Variants in RYR2 observed in about 807,000 individuals in gnomAD.
The protein encoded by RYR2 is ryanodine receptor 2, also known as cardiac muscle ryanodine receptor-calcium release channel.
RYR2 carries 227 observed loss-of-function variants against 601.1 expected under a neutral mutation model. The observed-to-expected ratio is 0.38, with a 90% confidence interval of 0.34 to 0.42. The LOEUF is 0.42. Ranked by LOEUF, RYR2 falls within the 10% of genes least tolerant of loss-of-function variation. The pLI is 1.00. For synonymous variants in RYR2, 2,223 were observed against 2,175.1 expected, an observed-to-expected ratio of 1.02 and a Z score of -0.61; for missense variants, 4,646 against 6,156.5, an observed-to-expected ratio of 0.75 and a Z score of 8.21.
At chr1:237,156,995 A>G (rs1045367863) in intron 1 of RYR2, among the ~76,000 whole-genome samples, 1 of 152,142 alleles carries the variant, frequency 6.6e-6, no homozygotes, top group African/African-American at 2.4e-5. Context: ...CAAAAAACCA[A>G]AAATAGAACC....
intron 27 of RYR2, among the ~76,000 whole-genome samples, chr1:237,554,794 C>T (rs1270056984): frequency 6.6e-6 from 1 of 151,960 alleles, no homozygotes; most frequent in Non-Finnish European, 1.5e-5. Flanking sequence ...TCTTATTATT[C>T]TTTTAATGTC....
intron 1 of RYR2, among the ~76,000 whole-genome samples, chr1:237,101,907 T>C (rs773529088): frequency 2.6e-5 from 4 of 152,276 alleles, no homozygotes; most frequent in Non-Finnish European, 4.4e-5. Context: ...AGATTATTCC[T>C]ACGTTTATGA....
At chr1:237,665,397 CAAAAAAAAAA>C (rs71162408) in intron 56 of RYR2, among the ~76,000 whole-genome samples, 1 of 95,600 alleles carries the variant, frequency 1.0e-5, no homozygotes, top group African/African-American at 5.4e-5. Context: ...GACTCTGTCT[CAAAAAAAAAA>C]AAAAAAAAAA....
chr1:237,595,983 G>A (rs895049352), intron 34 of RYR2, among the ~76,000 whole-genome samples: 16 of 151,862 alleles, frequency 1.1e-4, no homozygotes, highest in Admixed American at 7.2e-4. Context: ...CTACACTACC[G>A]CATCCACCCA....
intron 22 of RYR2, among the ~76,000 whole-genome samples, chr1:237,504,012 T>G (rs115094222): frequency 0.01 from 1,528 of 152,324 alleles, 28 homozygotes; most frequent in African/African-American, 0.033. Context: ...CTGGCCTCTA[T>G]TCTATGTTTT....
rs116770263 is a variant in RYR2, at chr1:237,821,526, A to G, written c.14590+2334A>G. The stretch of plus-strand genomic sequence containing the variant: ...CAGAGACTCCATCCGAAGGTCACCA[A>G]TATCAAAGACTAAAGGTAGATAAAT... On this transcript the variant is annotated intron_variant, in intron 101 of 104. Transcript: ENST00000366574. Among the ~76,000 whole-genome samples, 904 of 152,270 alleles carry G rather than the reference A, an allele frequency of 5.9e-3. 9 individuals are homozygous for G. Among genetic ancestry groups the G allele is most frequent in the African/African-American group, 0.021 (868 of 41,566 alleles).
intron 84 of RYR2, among the ~76,000 whole-genome samples, 169 bp from the exon 85 acceptor site, chr1:237,770,638 C>T (rs1407772367): frequency 6.6e-6 from 1 of 152,164 alleles, no homozygotes; most frequent in Non-Finnish European, 1.5e-5. Context: ...CCTCTATCTG[C>T]CAAGCGCATG....
chr1:237,560,991 A>G (rs1331498669), intron 27 of RYR2, among the ~76,000 whole-genome samples: 1 of 152,182 alleles, frequency 6.6e-6, no homozygotes, highest in Non-Finnish European at 1.5e-5. Context: ...GTGAAATTGG[A>G]CAGTAATTGG....
chr1:237,664,272 A>G (rs1684080177), intron 56 of RYR2, among the ~76,000 whole-genome samples: 1 of 152,250 alleles, frequency 6.6e-6, no homozygotes, highest in Non-Finnish European at 1.5e-5. Flanking sequence ...CATTCCTTCA[A>G]CAGATACTTA....
chr1:237,534,301 A>G (rs955217245), intron 25 of RYR2, among the ~76,000 whole-genome samples: 2 of 152,084 alleles, frequency 1.3e-5, no homozygotes, highest in Non-Finnish European at 2.9e-5. Context: ...ACCAAGTAAA[A>G]CAGCTTCAAA....
At chr1:237,200,513 C>A (rs1466576666) in intron 1 of RYR2, among the ~76,000 whole-genome samples, 1 of 152,174 alleles carries the variant, frequency 6.6e-6, no homozygotes, top group Non-Finnish European at 1.5e-5. Context: ...GATCTGCCCA[C>A]CTTGGCCCTC....
At chr1:237,624,581 G>A (rs1172504493) in intron 39 of RYR2, among the ~76,000 whole-genome samples, 1 of 152,186 alleles carries the variant, frequency 6.6e-6, no homozygotes, top group African/African-American at 2.4e-5. Flanking sequence ...GCAGTTGAGG[G>A]TGTACTTTCT....
chr1:237,273,553 G>GT (rs2149356754), intron 2 of RYR2, among the ~76,000 whole-genome samples: 2 of 110,254 alleles, frequency 1.8e-5, no homozygotes, highest in South Asian at 2.9e-4. Context: ...ATGGTTTTAG[G>GT]GGAGAGTGTC....
At chr1:237,704,473 AT>A (rs1481999382) in intron 66 of RYR2, among the ~76,000 whole-genome samples, 2 of 151,820 alleles carry the variant, frequency 1.3e-5, no homozygotes, top group African/African-American at 4.8e-5. Flanking sequence ...CTATTATTTG[AT>A]TTTTTATGAC....
chr1:237,339,379 C>A (rs1276611508), intron 3 of RYR2, among the ~76,000 whole-genome samples: 1 of 151,996 alleles, frequency 6.6e-6, no homozygotes, highest in Non-Finnish European at 1.5e-5. Context: ...GTCTATTATG[C>A]ATGCAATATG....
Position 237,660,826 on chromosome 1 carries a change from G to A in RYR2, c.8315G>A (p.Arg2772His), listed in dbSNP as rs922927449. 6 of 1,541,366 alleles carry A rather than the reference G, an allele frequency of 3.9e-6. No individual in the cohort carries two copies. The highest frequency in any genetic ancestry group is 1.2e-5 in the South Asian group (1 of 82,344). Residue 2772 changes from arginine (R) to histidine (H), a missense_variant, in exon 56 of 105, where the codon CGC becomes CAC. This residue lies in a region of RYR2 where 1,497 missense variants were observed against 1,842.6 expected (regional missense o/e 0.81). Transcript: ENST00000366574. ...CTTCTCTAGGAAAAAGAAATTTATC[G>A]CTGGCCAATCAAAGAATCTTTAAAA... ...LLSEKEKEIY[R>H]WPIKESLKTM...
chr1:237,651,826 A>G (rs1450415619), intron 51 of RYR2, among the ~76,000 whole-genome samples: 3 of 152,176 alleles, frequency 2.0e-5, no homozygotes, highest in Non-Finnish European at 4.4e-5. Context: ...TCACGAGGTT[A>G]GGAGATCGAG....
intron 2 of RYR2, among the ~76,000 whole-genome samples, chr1:237,274,083 TTAATGTAGATATATGA>T (rs1425083152): frequency 2.0e-5 from 3 of 147,110 alleles, no homozygotes; most frequent in Non-Finnish European, 4.5e-5. Context: ...TTATATATAT[TTAATGTAGATATATGA>T]TAATGTAGAT....
rs1167148257 is a variant in RYR2, at chr1:237,441,495, GA to G, written c.1170+19del. 2.1e-6 allele frequency: 3 copies of G among 1,446,608 alleles called. No homozygotes were observed. Among genetic ancestry groups the G allele is most frequent in the South Asian group, 1.7e-5 (1 of 59,448 alleles). The allele number at this position is 1,446,608 out of a possible 1,614,324, so 89.6% of individuals were successfully genotyped here. ...CTATACAACGTAAGGTAAGGTGATA[GA>G]AAAAAACATAATTTATAGAAGTAAT... On this transcript the variant is annotated intron_variant, in intron 13 of 104. Transcript: ENST00000366574.
Sources: allele counts gnomAD v4.1 joint callset (sites outside exome capture counted in the v4.1 genomes callset), GRCh38; gene constraint gnomAD v4.1.1; regional missense constraint gnomAD v4.1.1; transcripts MANE v1.5; gene names NCBI Gene and HGNC (gene_info 2026-07-23, HGNC 2026-07-21).